Variants in CCDC158 observed in about 807,000 individuals in gnomAD.
The protein encoded by CCDC158 is coiled-coil domain-containing protein 158.
In CCDC158, 116 loss-of-function variants were observed where a neutral mutation model predicts 138.6. The observed-to-expected ratio is 0.84, with a 90% CI of 0.72 to 0.98. The LOEUF is 0.98. Among genes scored for constraint, CCDC158 ranks in the 50% least tolerant of loss-of-function variants. The pLI is 0.00. For missense variants in CCDC158, 1,265 were observed against 1,306.1 expected, an observed-to-expected ratio of 0.97 and a Z score of 0.48; for synonymous variants, 436 against 442.4, an observed-to-expected ratio of 0.99 and a Z score of 0.18.
chr4:76,360,046 C>G (rs1218830997), intron 13 of CCDC158, among the ~76,000 whole-genome samples: 1 of 152,232 alleles, frequency 6.6e-6, no homozygotes, highest in Admixed American at 6.5e-5. Context: ...AGCCTTGGGA[C>G]ATGGTGCCCT....
chr4:76,337,283 G>A (rs534131949), intron 18 of CCDC158, among the ~76,000 whole-genome samples: 9 of 152,118 alleles, frequency 5.9e-5, no homozygotes, highest in Non-Finnish European at 1.3e-4. Context: ...ATGCCTGGCC[G>A]ATTTAAATTT....
At chr4:76,357,299 T>C in intron 14 of CCDC158, 75 bp downstream of exon 14, 1 of 1,037,218 alleles carries the variant, frequency 9.6e-7, no homozygotes, top group Non-Finnish European at 1.4e-6. Context: ...GTAACGTATT[T>C]GAGTTTCTGT....
intron 18 of CCDC158, among the ~76,000 whole-genome samples, chr4:76,344,010 C>T (rs933923303): frequency 6.6e-6 from 1 of 152,080 alleles, no homozygotes; most frequent in African/African-American, 2.4e-5. Context: ...CCAGGGCAAT[C>T]AGGCAAAAGA....
chr4:76,353,019 G>A, intron 16 of CCDC158, 104 bp downstream of exon 16: 1 of 871,398 alleles, frequency 1.1e-6, no homozygotes, highest in Non-Finnish European at 1.7e-6. Context: ...AACACAAATT[G>A]ATACATTCAG....
chr4:76,399,253 C>A (rs1343827853), intron 3 of CCDC158, among the ~76,000 whole-genome samples: 2 of 152,074 alleles, frequency 1.3e-5, no homozygotes, highest in Non-Finnish European at 2.9e-5. Context: ...TTTTCTACAA[C>A]TTCAGAAAAT....
chr4:76,368,020 T>C (rs535189116), intron 11 of CCDC158, among the ~76,000 whole-genome samples: 1 of 152,224 alleles, frequency 6.6e-6, no homozygotes, highest in African/African-American at 2.4e-5. Context: ...GATGAGCCAC[T>C]GTACCCAGCC....
rs768965221 is a variant in CCDC158 at position 76,334,129 on chromosome 4, T to C, written c.2703A>G (p.Thr901=). Residue 901 remains threonine, a synonymous_variant, in exon 19 of 25, where the codon ACA becomes ACG. Transcript: ENST00000682701. The stretch of plus-strand genomic sequence containing the variant: ...CTTGGAGAAGCTGTTTCAGGTCCCT[T>C]GTTGGATCTTCCTTCAGTGTGTTAG... The part of the protein sequence containing the change: ...TKANTLKEDP[T]RDLKQLLQEL... 2.8e-5 allele frequency: 45 copies of C among 1,613,306 alleles called. No individual in the cohort carries two copies. The highest frequency in any genetic ancestry group is 3.7e-5 in the Non-Finnish European group (44 of 1,179,566).
chr4:76,325,799 A>AC (rs1394775477), intron 23 of CCDC158, 58 bp downstream of exon 23: 1 of 1,441,500 alleles, frequency 6.9e-7, no homozygotes, highest in Non-Finnish European at 9.5e-7. Flanking sequence ...AAAAGAACTT[A>AC]CAGTTCAGCA....
chr4:76,364,240 T>C (rs1477659889), intron 12 of CCDC158, among the ~76,000 whole-genome samples: 1 of 152,200 alleles, frequency 6.6e-6, no homozygotes, highest in African/African-American at 2.4e-5. Flanking sequence ...CAATTGTTGA[T>C]CAAATCCTGC....
intron 24 of CCDC158, among the ~76,000 whole-genome samples, chr4:76,322,911 T>C (rs1332493299): frequency 6.6e-6 from 1 of 152,248 alleles, no homozygotes; most frequent in Non-Finnish European, 1.5e-5. Flanking sequence ...TAAATACCAT[T>C]ATTTTGCTTT....
chr4:76,408,521 A>T (rs970726019), intron 2 of CCDC158, among the ~76,000 whole-genome samples: 1 of 152,092 alleles, frequency 6.6e-6, no homozygotes, highest in Non-Finnish European at 1.5e-5. Context: ...TGAACTCATC[A>T]TTTTTTATGG....
At chr4:76,329,943 T>C (rs1197376529) in intron 21 of CCDC158, among the ~76,000 whole-genome samples, 1 of 152,218 alleles carries the variant, frequency 6.6e-6, no homozygotes, top group Non-Finnish European at 1.5e-5. Context: ...GTTACTGAAA[T>C]GTAAAACATG....
chr4:76,352,883 C>T (rs911183305), intron 16 of CCDC158: 1 of 378,012 alleles, frequency 2.6e-6, no homozygotes, highest in Non-Finnish European at 4.7e-6. Flanking sequence ...TCTTACTGCT[C>T]CTGTGACTAT....
intron 12 of CCDC158, among the ~76,000 whole-genome samples, chr4:76,366,765 A>C (rs1724712302): frequency 6.6e-6 from 1 of 152,138 alleles, no homozygotes; most frequent in African/African-American, 2.4e-5. Flanking sequence ...TAAATTTTAA[A>C]TTATTAAGTT....
chr4:76,419,982 C>T (rs997949400), intron 1 of CCDC158, among the ~76,000 whole-genome samples: 9 of 149,370 alleles, frequency 6.0e-5, no homozygotes, highest in Non-Finnish European at 1.2e-4. Context: ...AAATGCACAA[C>T]AACAGTAAGG....
intron 12 of CCDC158, among the ~76,000 whole-genome samples, chr4:76,367,051 T>C (rs970188925): frequency 4.6e-5 from 7 of 152,180 alleles, no homozygotes; most frequent in Non-Finnish European, 1.0e-4. Context: ...AAAGACTTCA[T>C]AGATTTTCTG....
chr4:76,397,226 C>T (rs1240905907), intron 3 of CCDC158, among the ~76,000 whole-genome samples: 1 of 151,426 alleles, frequency 6.6e-6, no homozygotes, highest in Non-Finnish European at 1.5e-5. Context: ...AAAAAACCCA[C>T]CTGGAAGAAT....
chr4:76,398,110 T>C (rs1305610678), intron 3 of CCDC158, among the ~76,000 whole-genome samples: 4 of 152,144 alleles, frequency 2.6e-5, no homozygotes, highest in Admixed American at 6.6e-5. Context: ...GGTTCTATAA[T>C]GATAATAGGG....
chr4:76,319,196 C>T (rs545783177), intron 24 of CCDC158, among the ~76,000 whole-genome samples: 11 of 151,480 alleles, frequency 7.3e-5, no homozygotes, highest in South Asian at 6.3e-4. Flanking sequence ...GGTGTGAACC[C>T]GGGAGGCAGA....
Sources: gnomAD v4.1 joint callset for allele counts (sites outside exome capture counted in the v4.1 genomes callset) on GRCh38, gnomAD v4.1.1 for gene constraint, MANE v1.5 for transcripts, NCBI Gene and HGNC (gene_info 2026-07-23, HGNC 2026-07-21) for gene names.